Variants in IPO8 observed in about 807,000 individuals in gnomAD.
IPO8 encodes importin 8.
Under a neutral mutation model 141.2 loss-of-function variants are expected in IPO8, and 65 were observed. The ratio of observed to expected loss-of-function variants is 0.46; its 90% CI spans 0.38 to 0.57. The LOEUF is 0.57. Ranked by LOEUF, IPO8 falls within the 20% of genes least tolerant of loss-of-function variation. The pLI is 0.00. For synonymous variants in IPO8, 411 were observed against 420.3 expected (o/e 0.98, Z 0.27); for missense variants, 980 against 1,246.8 (o/e 0.79, Z 3.22).
chr12:30,637,221 T>A (rs560095861), intron 21 of IPO8, 34 bp from the exon 22 acceptor site: 2 of 1,503,160 alleles, frequency 1.3e-6, no homozygotes, highest in African/African-American at 2.8e-5. Flanking sequence ...AATGTAGACA[T>A]GAGAAGTGGA....
At chr12:30,650,528 A>AAG (rs1270323341) in intron 19 of IPO8, among the ~76,000 whole-genome samples, 1 of 152,096 alleles carries the variant, frequency 6.6e-6, no homozygotes, top group Admixed American at 6.6e-5. Flanking sequence ...TGGACTCTGG[A>AAG]ACCAGGCTGC....
intron 8 of IPO8, among the ~76,000 whole-genome samples, chr12:30,672,951 G>A (rs1280213550): frequency 1.3e-5 from 2 of 151,492 alleles, no homozygotes; most frequent in East Asian, 1.9e-4. Context: ...ACAATAAAGA[G>A]CTATTTAAAA....
intron 10 of IPO8, among the ~76,000 whole-genome samples, chr12:30,666,682 C>T (rs1263556457): frequency 1.3e-5 from 2 of 152,124 alleles, no homozygotes; most frequent in East Asian, 1.9e-4. Flanking sequence ...TATATACACA[C>T]ATAATAAGTC....
intron 2 of IPO8, among the ~76,000 whole-genome samples, chr12:30,687,170 T>C (rs1395417531): frequency 6.6e-6 from 1 of 152,216 alleles, no homozygotes; most frequent in African/African-American, 2.4e-5. Context: ...TTAAATTTAC[T>C]GTATCTGTCT....
rs144980917 is a variant in IPO8, at chr12:30,637,018, G to T, written c.2659C>A (p.Arg887Ser). The change falls in exon 22 of 25, where the codon CGT becomes AGT. Residue 887 changes from arginine to serine, a missense_variant. Around this residue, in one of 3 missense-constraint regions of IPO8, gnomAD observed 924 missense variants for 1,153.9 expected, o/e 0.80. Transcript: ENST00000256079. ...ATRQLVNREDRSKAEKADMEE... is the reference protein window; with the variant it reads ...ATRQLVNREDSSKAEKADMEE... ...ATATCAGCTTTCTCTGCTTTTGAAC[G>T]ATCTTCCCGGTTTACCAGTTGTCTA... 1 of 1,613,940 alleles carries T rather than the reference G, an allele frequency of 6.2e-7. No homozygotes were observed. Among genetic ancestry groups the T allele is most frequent in the Non-Finnish European group, 8.5e-7 (1 of 1,179,906 alleles).
chr12:30,664,594 T>C (rs150359729), intron 13 of IPO8, among the ~76,000 whole-genome samples: 1 of 152,248 alleles, frequency 6.6e-6, no homozygotes, highest in African/African-American at 2.4e-5. Flanking sequence ...TGGAATTTCA[T>C]GTCATTTTAT....
rs766750502 is a variant in IPO8, at chr12:30,665,307, C to T, written c.1341G>A (p.Lys447=). ...GCTCCATTTGGTCCTTGAATAAACT[C>T]TTCTATTAGGAAACAAATTTCAACT... is the stretch of plus-strand genomic sequence containing the variant. ...IGSLAEILLK[K]SLFKDQMELF... The change falls in exon 13 of 25, where the codon AAG becomes AAA. Residue 447 remains lysine (K), a splice_region_variant and synonymous_variant. Transcript: ENST00000256079. 6.5e-7 allele frequency: 1 copy of T among 1,537,376 alleles called. No individual in the cohort carries two copies. Among genetic ancestry groups the T allele is most frequent in the African/African-American group, 1.4e-5 (1 of 72,678 alleles).
chr12:30,676,711 T>G, intron 5 of IPO8, 124 bp from the exon 6 acceptor site: 1 of 804,176 alleles, frequency 1.2e-6, no homozygotes, highest in South Asian at 1.5e-5. Flanking sequence ...ATAGCAATCT[T>G]GTATGGTTCA....
chr12:30,695,697 G>C lies in IPO8; in HGVS notation c.-50C>G, dbSNP rs1374795092. 1.3e-6 allele frequency: 2 copies of C among 1,544,058 alleles called. No homozygotes were observed. Among genetic ancestry groups the C allele is most frequent in the Non-Finnish European group, 1.8e-6 (2 of 1,121,740 alleles). ...CCCCGGAACAGTAGGCCGGACTGCA[G>C]CTTTAGTTTTCTTTTGACCCTCTCA... On this transcript the variant is annotated 5_prime_UTR_variant, in exon 1 of 25. Transcript: ENST00000256079. The surrounding 1 kb of genome is among the most constrained non-coding windows in gnomAD (Gnocchi z 4.2).
intron 5 of IPO8, among the ~76,000 whole-genome samples, chr12:30,680,096 G>C (rs1377771881): frequency 6.7e-6 from 1 of 150,092 alleles, no homozygotes; most frequent in Non-Finnish European, 1.5e-5. Context: ...CCCAATAGAA[G>C]AGGGACTCCC....
chr12:30,655,018 C>T (rs1442605343), intron 17 of IPO8, among the ~76,000 whole-genome samples: 1 of 151,268 alleles, frequency 6.6e-6, no homozygotes, highest in African/African-American at 2.4e-5. Flanking sequence ...ACCAGTCCAC[C>T]TTAAAAAAAA....
chr12:30,665,098 C>T (rs996706801), intron 13 of IPO8, 122 bp downstream of exon 13: 67 of 625,252 alleles, frequency 1.1e-4, no homozygotes, highest in Admixed American at 1.9e-4. Context: ...CATAGGCAGA[C>T]ATTCTAATTG....
chr12:30,685,142 T>G (rs1250291138), intron 2 of IPO8, among the ~76,000 whole-genome samples: 1 of 151,790 alleles, frequency 6.6e-6, no homozygotes, highest in Non-Finnish European at 1.5e-5. Context: ...GCTTTTCTTT[T>G]CTTTTTTTTT....
chr12:30,665,307 C>G lies in IPO8; in HGVS notation c.1341G>C (p.Lys447Asn), dbSNP rs766750502. 6 of 1,537,376 alleles carry G rather than the reference C, an allele frequency of 3.9e-6. No homozygotes were observed. Among genetic ancestry groups the G allele is most frequent in the Non-Finnish European group, 3.6e-6 (4 of 1,119,194 alleles). Residue 447 changes from lysine (K) to asparagine (N), a missense_variant and splice_region_variant, in exon 13 of 25, where the codon AAG (lysine) becomes AAC (asparagine). This residue lies in a region of IPO8 where 924 missense variants were observed against 1,153.9 expected (regional missense o/e 0.80). Transcript: ENST00000256079. The part of the protein sequence containing the change: ...IGSLAEILLK[K>N]SLFKDQMELF... Reference sequence around the variant, plus strand: ...GCTCCATTTGGTCCTTGAATAAACTCTTCTATTAGGAAACAAATTTCAACT... The same window carrying G: ...GCTCCATTTGGTCCTTGAATAAACTGTTCTATTAGGAAACAAATTTCAACT...
At chr12:30,648,656 T>C (rs1445567292) in intron 20 of IPO8, among the ~76,000 whole-genome samples, 2 of 152,130 alleles carry the variant, frequency 1.3e-5, no homozygotes, top group Non-Finnish European at 2.9e-5. Flanking sequence ...TTATTGAACA[T>C]ACCACAATAG....
At chr12:30,649,810 G>A (rs2052700865) in intron 19 of IPO8, among the ~76,000 whole-genome samples, 2 of 151,936 alleles carry the variant, frequency 1.3e-5, no homozygotes, top group Admixed American at 6.6e-5. Flanking sequence ...ATTCCACAAT[G>A]CACATGTTCA....
intron 15 of IPO8, 97 bp from the exon 16 acceptor site, chr12:30,661,363 C>A: frequency 1.8e-6 from 2 of 1,111,318 alleles, no homozygotes; most frequent in East Asian, 2.8e-5. Flanking sequence ...CATCTGAAGT[C>A]TGCATTGCTC....
Position 30,695,084 on chromosome 12 carries a change from T to C in IPO8, c.84+480A>G, listed in dbSNP as rs901672492. On this transcript the variant is annotated intron_variant, in intron 1 of 24. Transcript: ENST00000256079. This position sits in a 1 kb window ranked among gnomAD's most constrained non-coding sequence, Gnocchi z 4.2. ...CGCTCCGCAAAACTCGGCCAATCGG[T>C]GTCAAAACAGTCCTGCCAACCCGAC... 2.2e-6 allele frequency: 1 copy of C among 453,770 alleles called. No homozygotes were observed. Among genetic ancestry groups the C allele is most frequent in the Non-Finnish European group, 4.4e-6 (1 of 226,502 alleles). The allele number at this position is 453,770 out of a possible 1,614,324, so 28.1% of individuals were successfully genotyped here. A position where few individuals can be genotyped will look rare whatever the true frequency, so the allele number is the denominator to read the frequency against.
At chr12:30,655,512 C>T (rs1385505343) in intron 17 of IPO8, among the ~76,000 whole-genome samples, 1 of 152,198 alleles carries the variant, frequency 6.6e-6, no homozygotes, top group East Asian at 1.9e-4. Context: ...TGGTTACTAA[C>T]TATGGTCACC....
Sources: allele counts gnomAD v4.1 joint callset (sites outside exome capture counted in the v4.1 genomes callset), GRCh38; gene constraint gnomAD v4.1.1; regional missense constraint gnomAD v4.1.1; non-coding constraint Gnocchi (gnomAD v3.1); transcripts MANE v1.5; gene names NCBI Gene and HGNC (gene_info 2026-07-23, HGNC 2026-07-21).